The following MX2 variants were observed in gnomAD, a reference collection of about 807,000 sequenced individuals.
MX2 encodes the protein interferon-induced GTP-binding protein Mx2.
MX2 carries 51 observed loss-of-function variants against 74.0 expected under a neutral mutation model. The ratio of observed to expected loss-of-function variants is 0.69; its 90% CI spans 0.55 to 0.87. The LOEUF is 0.87. Ranked by LOEUF, MX2 falls within the 40% of genes least tolerant of loss-of-function variation. The pLI, the probability that MX2 is intolerant of heterozygous loss-of-function variation, is 0.00. For synonymous variants in MX2, 369 were observed against 339.3 expected, an observed-to-expected ratio of 1.09 and a Z score of -0.96; for missense variants, 832 against 908.7, an observed-to-expected ratio of 0.92 and a Z score of 1.09.
rs569643486 is a variant in MX2, at chr21:41,367,854, C to T, written c.-72+5799C>T. Among the ~76,000 whole-genome samples, 5 of 152,318 alleles carry T rather than the reference C, an allele frequency of 3.3e-5. No homozygotes were observed. The South Asian group carries it at 1.0e-3, about 32-fold the overall frequency. Reference sequence around the variant, plus strand: ...CCTTCCTTGGATCCGTCACCCCCGACCTGGCCCTCAGTAGCTCCCTCCTGG... The same window carrying T: ...CCTTCCTTGGATCCGTCACCCCCGATCTGGCCCTCAGTAGCTCCCTCCTGG... On this transcript the variant is annotated intron_variant, in intron 1 of 13. Transcript: ENST00000330714.
Position 41,408,187 on chromosome 21 carries a change from A to T in MX2, c.2102A>T (p.Gln701Leu). The change falls in exon 14 of 14, where the codon CAG (glutamine) becomes CTG (leucine). Residue 701 changes from glutamine to leucine, a missense_variant. Physicochemically the swap from Gln to Leu is moderately radical, Grantham distance 113. Transcript: ENST00000330714. The part of the protein sequence containing the change: ...ILKERIYRLT[Q>L]ARHALCQFSS... ...AAGGAGAGAATTTACCGGCTCACTC[A>T]GGCGCGACACGCACTCTGTCAATTC... 1 of 1,614,242 alleles carries T rather than the reference A, an allele frequency of 6.2e-7. No homozygotes were observed. The highest frequency in any genetic ancestry group is 1.1e-5 in the South Asian group (1 of 91,086).
chr21:41,387,743 A>T (rs191829269), intron 5 of MX2, among the ~76,000 whole-genome samples: 1 of 152,276 alleles, frequency 6.6e-6, no homozygotes, highest in East Asian at 1.9e-4. Flanking sequence ...CCTGAAATCC[A>T]GGCTCCTATC....
chr21:41,389,461 G>A (rs1240464943), intron 5 of MX2: 5 of 152,120 alleles, frequency 3.3e-5, no homozygotes, highest in African/African-American at 7.2e-5. Context: ...TTTAAGATTG[G>A]GGTGAGCCGT....
intron 7 of MX2, among the ~76,000 whole-genome samples, chr21:41,396,141 G>A (rs1407543348): frequency 1.3e-5 from 2 of 152,204 alleles, no homozygotes; most frequent in African/African-American, 4.8e-5. Flanking sequence ...CAAACAAATA[G>A]TGAATGGGAA....
At chr21:41,398,308 T>TAAAA (rs113917775) in intron 8 of MX2, among the ~76,000 whole-genome samples, 1 of 147,512 alleles carries the variant, frequency 6.8e-6, no homozygotes. Flanking sequence ...AAATTCCATC[T>TAAAA]AAAAAAAAAA....
chr21:41,387,693 C>T (rs1261491923), intron 5 of MX2, among the ~76,000 whole-genome samples: 1 of 152,224 alleles, frequency 6.6e-6, no homozygotes, highest in African/African-American at 2.4e-5. Flanking sequence ...AATACCACTT[C>T]AGCGATTCCT....
At chr21:41,397,545 C>G in intron 7 of MX2, 68 bp from the exon 8 acceptor site, 1 of 1,460,748 alleles carries the variant, frequency 6.8e-7, no homozygotes, top group South Asian at 1.2e-5. Context: ...CTACCACGCA[C>G]AAAGTCCGGT....
At chr21:41,375,922 C>T (rs1165214155) in intron 1 of MX2, among the ~76,000 whole-genome samples, 2 of 152,224 alleles carry the variant, frequency 1.3e-5, no homozygotes, top group Middle Eastern at 3.2e-3. Flanking sequence ...GCTTAGGCGT[C>T]ATTGGCCCTC....
chr21:41,384,683 T>C (rs1294305453), intron 5 of MX2, among the ~76,000 whole-genome samples: 1 of 152,046 alleles, frequency 6.6e-6, no homozygotes, highest in Non-Finnish European at 1.5e-5. Flanking sequence ...GGTGGCAGTA[T>C]ACGAAAACAC....
intron 6 of MX2, among the ~76,000 whole-genome samples, chr21:41,394,877 G>T (rs1367322627): frequency 1.3e-5 from 2 of 151,668 alleles, no homozygotes; most frequent in Non-Finnish European, 2.9e-5. Flanking sequence ...GGAGGCGGAG[G>T]TTGAAGTGAG....
chr21:41,401,920 C>T (rs376190562), intron 10 of MX2, 50 bp from the exon 11 acceptor site: 13 of 1,576,434 alleles, frequency 8.2e-6, no homozygotes, highest in African/African-American at 4.1e-5. Flanking sequence ...AGCTTTACGA[C>T]GTCTGCAGAA....
chr21:41,387,070 G>A (rs1040034783), intron 5 of MX2, among the ~76,000 whole-genome samples: 4 of 152,324 alleles, frequency 2.6e-5, no homozygotes, highest in Non-Finnish European at 5.9e-5. Context: ...ACGCAATCGT[G>A]TGCCTTTCTG....
chr21:41,384,791 A>G (rs947299084), intron 5 of MX2, among the ~76,000 whole-genome samples: 1 of 151,104 alleles, frequency 6.6e-6, no homozygotes, highest in Non-Finnish European at 1.5e-5. Flanking sequence ...GTGAGCCAAG[A>G]TCGTGCCACT....
chr21:41,377,247 C>T, intron 2 of MX2, 92 bp downstream of exon 2: 2 of 1,523,392 alleles, frequency 1.3e-6, no homozygotes, highest in African/African-American at 1.4e-5. Flanking sequence ...ATAGAACCAG[C>T]CAGTCTGCTC....
chr21:41,384,160 G>A (rs1349806390), intron 5 of MX2, among the ~76,000 whole-genome samples: 2 of 152,158 alleles, frequency 1.3e-5, no homozygotes, highest in Non-Finnish European at 2.9e-5. Flanking sequence ...CCTCCCCCAT[G>A]ATTGTAAGTT....
chr21:41,395,582 C>T lies in MX2; in HGVS notation c.872-5C>T, dbSNP rs1413256796. 1.9e-6 allele frequency: 3 copies of T among 1,613,850 alleles called. No homozygotes were observed. The East Asian group carries it at 6.7e-5, about 36-fold the overall frequency. On this transcript the variant is annotated splice_region_variant and splice_polypyrimidine_tract_variant and intron_variant, in intron 6 of 13. Coordinates refer to ENST00000330714, the MANE Select transcript of MX2 (RefSeq NM_002463.2). ...TTCCATTTCCCTTCTTTAACCATCTCACAGGTATCCTGACCAAACCAGATC... is the reference window on the plus strand; with the variant it reads ...TTCCATTTCCCTTCTTTAACCATCTTACAGGTATCCTGACCAAACCAGATC...
Position 41,380,785 on chromosome 21 carries a change from C to G in MX2, c.577+634C>G, listed in dbSNP as rs8133854. Among the ~76,000 whole-genome samples, 1 of 152,210 alleles carries G rather than the reference C, an allele frequency of 6.6e-6. No homozygotes were observed. The highest frequency in any genetic ancestry group is 1.9e-4 in the East Asian group (1 of 5,184). ...TCCTGGAGTCCACACCCTTCTCCCC[C>G]GAGGGGCCCTAGTGGTTACGTCCCT... On this transcript the variant is annotated intron_variant, in intron 4 of 13. Coordinates refer to ENST00000330714, the MANE Select transcript of MX2 (RefSeq NM_002463.2). This position sits in a 1 kb window ranked among gnomAD's most constrained non-coding sequence, Gnocchi z 4.3.
At position 41,366,620 on chromosome 21, in the gene MX2, G is replaced by C. The variant is rs2089267795; in HGVS notation, c.-72+4565G>C. The C allele has an allele frequency of 6.6e-6, 1 of 152,232 alleles. No individual in the cohort carries two copies. The highest frequency in any genetic ancestry group is 2.4e-5 in the African/African-American group (1 of 41,440). 9.4% of individuals were successfully genotyped at this position (152,232 alleles called of 1,614,324 possible). ...TGCTTTGGGTCCTGCCATTGAAAGG[G>C]AAGAAGAGAAGTCCCTTCCCTGGGA... On this transcript the variant is annotated intron_variant, in intron 1 of 13. Coordinates refer to ENST00000330714, the MANE Select transcript of MX2 (RefSeq NM_002463.2). This position sits in a 1 kb window ranked among gnomAD's most constrained non-coding sequence, Gnocchi z 4.5.
At chr21:41,377,438 C>T (rs1427914698) in intron 2 of MX2, among the ~76,000 whole-genome samples, 1 of 152,124 alleles carries the variant, frequency 6.6e-6, no homozygotes, top group Admixed American at 6.5e-5. Context: ...GCCAGCCCAC[C>T]CACTTGCCAC....
Sources: allele counts gnomAD v4.1 joint callset (sites outside exome capture counted in the v4.1 genomes callset), GRCh38; gene constraint gnomAD v4.1.1; non-coding constraint Gnocchi (gnomAD v3.1); transcripts MANE v1.5; gene names NCBI Gene and HGNC (gene_info 2026-07-23, HGNC 2026-07-21).